GCC2: variants seen among roughly 807,000 people sequenced by gnomAD.
GCC2 encodes GRIP and coiled-coil domain containing 2.
In GCC2, 120 loss-of-function variants were observed where a neutral mutation model predicts 210.6. That is an observed-to-expected ratio of 0.57 (90% CI 0.49 to 0.66). The LOEUF (loss-of-function observed/expected upper bound fraction) is 0.66. Ranked by LOEUF, GCC2 falls within the 30% of genes least tolerant of loss-of-function variation. The probability of loss-of-function intolerance (pLI) is 0.00; values close to 1 mark genes in which losing one functional copy is unlikely to be tolerated. For synonymous variants in GCC2, 703 were observed against 652.7 expected (o/e 1.08, Z -1.17); for missense variants, 1,868 against 1,871.9 (o/e 1.00, Z 0.04).
chr2:108,497,119 G>C lies in GCC2; in HGVS notation c.4782+10G>C. 1 of 1,611,984 alleles carries C rather than the reference G, an allele frequency of 6.2e-7. No individual in the cohort carries two copies. The highest frequency in any genetic ancestry group is 8.5e-7 in the Non-Finnish European group (1 of 1,179,844). ...TATGGAGCAAATTAAGGTGAGATCA[G>C]AAAACCTGGCCGCCGTGAAAACCGC... On this transcript the variant is annotated intron_variant, in intron 21 of 22. Transcript: ENST00000309863.
At chr2:108,450,549 T>C (rs1679878772) in intron 2 of GCC2, among the ~76,000 whole-genome samples, 1 of 152,234 alleles carries the variant, frequency 6.6e-6, no homozygotes, top group Admixed American at 6.5e-5. Flanking sequence ...TTTTTAGTAG[T>C]TGCATAGCAA....
chr2:108,487,106 A>G (rs1230971237), intron 16 of GCC2, among the ~76,000 whole-genome samples: 2 of 152,176 alleles, frequency 1.3e-5, no homozygotes, highest in African/African-American at 2.4e-5. Flanking sequence ...AGATCACTTC[A>G]AGAAAGTGGA....
chr2:108,457,958 A>G (rs890882327), intron 4 of GCC2, among the ~76,000 whole-genome samples: 2 of 152,150 alleles, frequency 1.3e-5, no homozygotes, highest in Non-Finnish European at 2.9e-5. Context: ...TGTCAGTCCC[A>G]TGTTGAATAG....
intron 6 of GCC2, 90 bp downstream of exon 6, chr2:108,472,206 A>G (rs887488381): frequency 5.3e-6 from 5 of 946,674 alleles, no homozygotes; most frequent in Middle Eastern, 7.3e-4. Context: ...CTTGACGTCA[A>G]AAGTAAATTT....
At chr2:108,467,880 T>G (rs1196167383) in intron 4 of GCC2, among the ~76,000 whole-genome samples, 1 of 152,150 alleles carries the variant, frequency 6.6e-6, no homozygotes, top group African/African-American at 2.4e-5. Flanking sequence ...GAACTCACCT[T>G]AAAAACCATC....
chr2:108,479,492 T>C (rs1288752988), intron 9 of GCC2, among the ~76,000 whole-genome samples: 1 of 151,654 alleles, frequency 6.6e-6, no homozygotes, highest in African/African-American at 2.4e-5. Context: ...ACTGCAAATA[T>C]TAGTTGGCTG....
chr2:108,489,956 G>C lies in GCC2; in HGVS notation c.4171G>C (p.Glu1391Gln), dbSNP rs779983908. 3.2e-5 allele frequency: 52 copies of C among 1,611,792 alleles called. No homozygotes were observed. Among genetic ancestry groups the C allele is most frequent in the Non-Finnish European group, 3.6e-5 (42 of 1,179,252 alleles). The change falls in exon 18 of 23, where the codon GAA becomes CAA. Residue 1391 changes from glutamate (E) to glutamine (Q), a missense_variant. Physicochemically the swap from Glu to Gln is conservative, Grantham distance 29. Around this residue, in one of 3 missense-constraint regions of GCC2, gnomAD observed 1,847 missense variants for 1,765.2 expected, o/e 1.05. Transcript: ENST00000309863. ...TLQSEHDTLLERHNKMLQETV... is the reference protein window; with the variant it reads ...TLQSEHDTLLQRHNKMLQETV... Reference sequence around the variant, plus strand: ...GCAGTCTGAACATGATACACTGCTAGAAAGGCACAACAAGATGCTGCAGGA... The same window carrying C: ...GCAGTCTGAACATGATACACTGCTACAAAGGCACAACAAGATGCTGCAGGA...
chr2:108,467,006 A>G (rs976422099), intron 4 of GCC2, among the ~76,000 whole-genome samples: 13 of 151,946 alleles, frequency 8.6e-5, no homozygotes, highest in African/African-American at 2.9e-4. Flanking sequence ...CTGATACTAT[A>G]TTGTCTTTAT....
chr2:108,472,982 C>T (rs1470320655), intron 7 of GCC2, 83 bp downstream of exon 7: 1 of 772,592 alleles, frequency 1.3e-6, no homozygotes, highest in Non-Finnish European at 2.1e-6. Context: ...ATATAGTAGC[C>T]AAATAATGAG....
chr2:108,449,419 T>C, intron 1 of GCC2, 139 bp downstream of exon 1: 1 of 1,419,232 alleles, frequency 7.0e-7, no homozygotes, highest in Middle Eastern at 1.9e-4. Flanking sequence ...TCCCCATCTT[T>C]CGTAAACTCT....
In GCC2 at chr2:108,474,588, A is replaced by G. The variant is rs186850031; in HGVS notation, c.2861-947A>G. The stretch of plus-strand genomic sequence containing the variant: ...ATTTGCTATAGGGAGAAAAAAAGCG[A>G]TGGGACAAAACTAGAGGGACCGGGT... On this transcript the variant is annotated intron_variant, in intron 7 of 22. Coordinates refer to ENST00000309863, the MANE Select transcript of GCC2 (RefSeq NM_181453.4). 1.8e-4 allele frequency among the ~76,000 whole-genome samples: 27 copies of G among 152,296 alleles called. No individual in the cohort carries two copies. In the East Asian group the frequency reaches 4.8e-3, roughly 27 times the overall value.
At chr2:108,489,810 A>T (rs528619432) in intron 17 of GCC2, 28 bp from the exon 18 acceptor site, 4 of 1,535,216 alleles carry the variant, frequency 2.6e-6, no homozygotes, top group Non-Finnish European at 3.5e-6. Flanking sequence ...TTTTCAAAAA[A>T]TTTTAAAACT....
At chr2:108,473,706 T>C (rs1681358941) in intron 7 of GCC2, among the ~76,000 whole-genome samples, 1 of 152,218 alleles carries the variant, frequency 6.6e-6, no homozygotes, top group African/African-American at 2.4e-5. Context: ...CCCAGTTGTC[T>C]ATAATGGGTG....
At position 108,475,845 on chromosome 2, in the gene GCC2, T is replaced by A. The variant is rs754116992; in HGVS notation, c.3055T>A (p.Tyr1019Asn). Residue 1019 changes from tyrosine to asparagine, a missense_variant, in exon 9 of 23, where the codon TAT becomes AAT. Around this residue, in one of 3 missense-constraint regions of GCC2, gnomAD observed 1,847 missense variants for 1,765.2 expected, o/e 1.05. Transcript: ENST00000309863. ...AGATCTCATTCAAGGAGCAGAAAGC[T>A]ATAAGGTAAAAAATAGTCATTTTAA... is the stretch of plus-strand genomic sequence containing the variant. ...MRDLIQGAESYKNLLLEYEKQ... is the reference protein window; with the variant it reads ...MRDLIQGAESNKNLLLEYEKQ... 1.3e-6 allele frequency: 2 copies of A among 1,539,582 alleles called. No homozygotes were observed. The highest frequency in any genetic ancestry group is 8.8e-7 in the Non-Finnish European group (1 of 1,130,196).
intron 4 of GCC2, among the ~76,000 whole-genome samples, chr2:108,466,933 G>GT (rs1680925610): frequency 6.6e-6 from 1 of 151,982 alleles, no homozygotes; most frequent in Non-Finnish European, 1.5e-5. Flanking sequence ...TAATATTATG[G>GT]TTAAAAATAT....
intron 4 of GCC2, among the ~76,000 whole-genome samples, chr2:108,458,170 G>A (rs1249073247): frequency 6.6e-6 from 1 of 152,090 alleles, no homozygotes; most frequent in Non-Finnish European, 1.5e-5. Context: ...TGCGTCTAGT[G>A]AGATGACATA....
At chr2:108,483,263 G>A (rs1681966664) in intron 12 of GCC2, 97 bp downstream of exon 12, 2 of 681,826 alleles carry the variant, frequency 2.9e-6, no homozygotes, top group South Asian at 3.4e-5. Context: ...TCACTCTGTG[G>A]CCCAGGCTGG....
Position 108,454,896 on chromosome 2 carries a change from A to AT in GCC2, c.216+2441dup, listed in dbSNP as rs368570284. On this transcript the variant is annotated intron_variant, in intron 4 of 22. Coordinates refer to ENST00000309863, the MANE Select transcript of GCC2 (RefSeq NM_181453.4). ...TACTACCATTTATTATTTCTGGGGG[A>AT]TTTTTTTTTTTCTTGAGATAGGATT... Among the ~76,000 whole-genome samples the AT allele has an allele frequency of 1.1e-3, 166 of 146,908 alleles. 1 individual carries two copies. The highest frequency in any genetic ancestry group is 2.9e-3 in the African/African-American group (118 of 40,196).
chr2:108,470,704 A>G lies in GCC2; in HGVS notation c.1375A>G (p.Ile459Val). Residue 459 changes from isoleucine (I) to valine (V), a missense_variant, in exon 6 of 23, where the codon ATA becomes GTA. Physicochemically the swap from Ile to Val is conservative, Grantham distance 29. Transcript: ENST00000309863. Reference protein sequence around the residue: ...EKEKLTLMFEIQGLKEQCENL... With the variant: ...EKEKLTLMFEVQGLKEQCENL... ...AGAAAAATTAACATTAATGTTTGAAATACAGGGTCTTAAGGAACAGTGTGA... is the reference window on the plus strand; with the variant it reads ...AGAAAAATTAACATTAATGTTTGAAGTACAGGGTCTTAAGGAACAGTGTGA... 6.2e-7 allele frequency: 1 copy of G among 1,610,974 alleles called. No individual in the cohort carries two copies. The highest frequency in any genetic ancestry group is 1.7e-4 in the Middle Eastern group (1 of 6,036).
Sources: allele counts gnomAD v4.1 joint callset (sites outside exome capture counted in the v4.1 genomes callset), GRCh38; gene constraint gnomAD v4.1.1; regional missense constraint gnomAD v4.1.1; transcripts MANE v1.5; gene names NCBI Gene and HGNC (gene_info 2026-07-23, HGNC 2026-07-21).